The following LEKR1 variants were observed in gnomAD, a reference collection of about 807,000 sequenced individuals.
LEKR1 encodes leucine, glutamate and lysine rich 1, also known as protein LEKR1.
A neutral mutation model predicts 72.4 loss-of-function variants in LEKR1; 59 were observed. The observed-to-expected ratio is 0.82, with a 90% confidence interval of 0.66 to 1.01. The LOEUF is 1.01. Among genes scored for constraint, LEKR1 ranks in the 50% least tolerant of loss-of-function variants. The pLI, the probability that LEKR1 is intolerant of heterozygous loss-of-function variation, is 0.00. For synonymous variants in LEKR1, 257 were observed against 263.2 expected, an observed-to-expected ratio of 0.98 and a Z score of 0.23; for missense variants, 728 against 759.2, an observed-to-expected ratio of 0.96 and a Z score of 0.48.
chr3:156,938,688 A>T (rs1352515212), intron 5 of LEKR1, among the ~76,000 whole-genome samples: 10 of 152,190 alleles, frequency 6.6e-5, no homozygotes, highest in Non-Finnish European at 1.3e-4. Flanking sequence ...TTAGTTTAAA[A>T]TAAATTGTGT....
chr3:156,978,765 T>G (rs1294362956), intron 6 of LEKR1, among the ~76,000 whole-genome samples: 1 of 152,168 alleles, frequency 6.6e-6, no homozygotes, highest in Non-Finnish European at 1.5e-5. Flanking sequence ...ATGATTTGTC[T>G]GTTTTAGTTC....
intron 9 of LEKR1, among the ~76,000 whole-genome samples, chr3:157,009,433 A>G (rs1034485046): frequency 2.0e-5 from 3 of 152,156 alleles, no homozygotes; most frequent in African/African-American, 7.2e-5. Context: ...AGGTTATAGT[A>G]TAACAATTGT....
chr3:156,882,497 A>G (rs897236904), intron 3 of LEKR1, among the ~76,000 whole-genome samples: 2 of 152,150 alleles, frequency 1.3e-5, no homozygotes, highest in Admixed American at 6.5e-5. Context: ...AAAAGTCAGG[A>G]AACAACAGGT....
chr3:157,014,503 T>A (rs1356279636), intron 10 of LEKR1, among the ~76,000 whole-genome samples: 2 of 152,124 alleles, frequency 1.3e-5, no homozygotes. Flanking sequence ...GACCTAATAA[T>A]TCCTAACGTG....
intron 6 of LEKR1, among the ~76,000 whole-genome samples, chr3:156,964,438 A>T (rs1014725462): frequency 6.6e-6 from 1 of 152,174 alleles, no homozygotes; most frequent in African/African-American, 2.4e-5. Context: ...AAATTTTTAT[A>T]TATCTCTGAG....
intron 2 of LEKR1, among the ~76,000 whole-genome samples, chr3:156,838,540 CA>C (rs1713463095): frequency 6.6e-6 from 1 of 152,112 alleles, no homozygotes; most frequent in Non-Finnish European, 1.5e-5. Context: ...GGAGCAGAAC[CA>C]AGAACCCCAG....
At chr3:156,981,689 C>T (rs1311357854) in intron 7 of LEKR1, among the ~76,000 whole-genome samples, 2 of 152,200 alleles carry the variant, frequency 1.3e-5, no homozygotes, top group Non-Finnish European at 2.9e-5. Context: ...AGGATCAAAG[C>T]CTGGGACTGC....
Position 156,932,705 on chromosome 3 carries a change from CAA to C in LEKR1, c.559+5118_559+5119del, listed in dbSNP as rs71141797. ...TGGGTGACAGAGTGAGACTCTGTCT[CAA>C]AAAAAAAAAAAAAAAAGGGTATCTA... On this transcript the variant is annotated intron_variant, in intron 5 of 12. Transcript: ENST00000356539. Among the ~76,000 whole-genome samples the C allele has an allele frequency of 3.3e-3, 330 of 99,698 alleles. 1 individual carries two copies. Among genetic ancestry groups the C allele is most frequent in the East Asian group, 0.014 (48 of 3,538 alleles). The allele number at this position is 99,698 out of a possible 152,430, so 65.4% of individuals were successfully genotyped here. A position where few individuals can be genotyped will look rare whatever the true frequency, so the allele number is the denominator to read the frequency against.
chr3:156,894,897 A>T (rs1721018073), intron 3 of LEKR1, among the ~76,000 whole-genome samples: 4 of 152,210 alleles, frequency 2.6e-5, no homozygotes, highest in African/African-American at 9.6e-5. Context: ...TTAACTGAAA[A>T]TGAATTAAAG....
intron 5 of LEKR1, among the ~76,000 whole-genome samples, chr3:156,937,746 GC>G (rs758001106): frequency 5.3e-5 from 8 of 152,104 alleles, no homozygotes; most frequent in Non-Finnish European, 1.0e-4. Flanking sequence ...AGTCATAATA[GC>G]CCCAAATTGG....
chr3:157,021,254 C>G (rs375288835), intron 10 of LEKR1, among the ~76,000 whole-genome samples: 2,733 of 151,728 alleles, frequency 0.018, 48 homozygotes, highest in African/African-American at 0.051. Context: ...ATGGTAGTTT[C>G]TTTTGCTGTG....
chr3:156,948,858 T>G (rs1726905967), intron 6 of LEKR1, among the ~76,000 whole-genome samples: 1 of 151,582 alleles, frequency 6.6e-6, no homozygotes, highest in Non-Finnish European at 1.5e-5. Context: ...TAATAGCCAT[T>G]CTGACTGGTG....
chr3:157,023,747 C>T (rs1340870174), intron 10 of LEKR1, among the ~76,000 whole-genome samples: 1 of 152,122 alleles, frequency 6.6e-6, no homozygotes, highest in East Asian at 1.9e-4. Context: ...TCATCTGCAT[C>T]TAGAGTTCTT....
At chr3:156,911,852 A>G (rs57676345) in intron 3 of LEKR1, among the ~76,000 whole-genome samples, 2,960 of 151,808 alleles carry the variant, frequency 0.019, 104 homozygotes, top group African/African-American at 0.067. Flanking sequence ...ATTCTGTTCC[A>G]TTGGTCTATG....
rs376433513 is a variant in LEKR1 at position 157,006,265 on chromosome 3, A to G, written c.1110-5148A>G. ...CATGATCCACCCGCCTCGGCCTCCC[A>G]AAGTGCTGGGATTACAGGCGTGAGC... On this transcript the variant is annotated intron_variant, in intron 9 of 12. Coordinates refer to ENST00000356539, the MANE Select transcript of LEKR1 (RefSeq NM_001004316.3). 1.6e-4 allele frequency among the ~76,000 whole-genome samples: 24 copies of G among 151,586 alleles called. No homozygotes were observed. In the South Asian group the frequency reaches 4.0e-3, roughly 25 times the overall value.
At chr3:156,941,528 T>C (rs1285001118) in intron 5 of LEKR1, among the ~76,000 whole-genome samples, 1 of 152,110 alleles carries the variant, frequency 6.6e-6, no homozygotes, top group East Asian at 1.9e-4. Context: ...GGTTGCTGTT[T>C]CTGCTGTGGT....
At chr3:156,992,223 A>G (rs1731192899) in intron 7 of LEKR1, among the ~76,000 whole-genome samples, 2 of 152,186 alleles carry the variant, frequency 1.3e-5, no homozygotes, top group South Asian at 2.1e-4. Context: ...TGGGCCAGAA[A>G]GACTGACGAT....
chr3:156,856,444 C>A (rs759137191), intron 3 of LEKR1, among the ~76,000 whole-genome samples: 3 of 152,074 alleles, frequency 2.0e-5, no homozygotes, highest in Non-Finnish European at 4.4e-5. Context: ...CTTTTCTGGA[C>A]GAACTCTAGA....
At chr3:156,867,537 T>G (rs1459119479) in intron 3 of LEKR1, among the ~76,000 whole-genome samples, 1 of 152,056 alleles carries the variant, frequency 6.6e-6, no homozygotes, top group African/African-American at 2.4e-5. Flanking sequence ...ACTACCCATT[T>G]GATTTTTCTC....
Sources: gnomAD v4.1 joint callset for allele counts (sites outside exome capture counted in the v4.1 genomes callset) on GRCh38, gnomAD v4.1.1 for gene constraint, MANE v1.5 for transcripts, NCBI Gene and HGNC (gene_info 2026-07-23, HGNC 2026-07-21) for gene names.